KPNA1: variants seen among roughly 807,000 people sequenced by gnomAD.
The protein encoded by KPNA1 is karyopherin subunit alpha 1.
Under a neutral mutation model 70.5 loss-of-function variants are expected in KPNA1, and 10 were observed. The ratio of observed to expected loss-of-function variants is 0.14; its 90% CI spans 0.09 to 0.24. KPNA1 has a LOEUF of 0.24. KPNA1 is among the 10% of genes least tolerant of loss of function. KPNA1 has a pLI of 1.00. For missense variants in KPNA1, 397 were observed against 637.9 expected, an observed-to-expected ratio of 0.62 and a Z score of 4.07; for synonymous variants, 192 against 221.9, an observed-to-expected ratio of 0.87 and a Z score of 1.20.
At chr3:122,484,968 C>T (rs1314489043) in intron 2 of KPNA1, among the ~76,000 whole-genome samples, 2 of 152,120 alleles carry the variant, frequency 1.3e-5, no homozygotes, top group African/African-American at 2.4e-5. Context: ...CACAATCATA[C>T]CTCATTGCTG....
intron 5 of KPNA1, among the ~76,000 whole-genome samples, chr3:122,457,316 T>C (rs1414934283): frequency 1.3e-5 from 2 of 151,934 alleles, no homozygotes; most frequent in African/African-American, 2.4e-5. Flanking sequence ...CAAACACATA[T>C]GCATAAAGTT....
At chr3:122,476,104 G>C (rs545455523) in intron 2 of KPNA1, among the ~76,000 whole-genome samples, 1 of 152,234 alleles carries the variant, frequency 6.6e-6, no homozygotes, top group South Asian at 2.1e-4. Context: ...TAAAGCAATG[G>C]AATAGAATAA....
chr3:122,427,528 A>G lies in KPNA1; in HGVS notation c.1429+10T>C. The G allele has an allele frequency of 1.2e-6, 2 of 1,606,912 alleles. No homozygotes were observed. The highest frequency in any genetic ancestry group is 1.7e-6 in the Non-Finnish European group (2 of 1,176,586). ...CTTGGCCATAAACTTCTTCAACCAA[A>G]GCATCTTACCATAAGCTTCTTCAAT... is the stretch of plus-strand genomic sequence containing the variant. On this transcript the variant is annotated intron_variant, in intron 13 of 13. Coordinates refer to ENST00000344337, the MANE Select transcript of KPNA1 (RefSeq NM_002264.4).
chr3:122,431,979 C>CT (rs2075916601), intron 12 of KPNA1, among the ~76,000 whole-genome samples: 2 of 151,998 alleles, frequency 1.3e-5, no homozygotes, highest in East Asian at 3.9e-4. Flanking sequence ...AATTTTTGTA[C>CT]TTTTAGTAGA....
chr3:122,451,922 T>C (rs773558633), intron 7 of KPNA1, 54 bp downstream of exon 7: 1 of 1,104,242 alleles, frequency 9.1e-7, no homozygotes, highest in Non-Finnish European at 1.3e-6. Flanking sequence ...GAGGAATCTC[T>C]TACATTTTTA....
At chr3:122,464,998 A>C (rs913029312) in intron 3 of KPNA1, among the ~76,000 whole-genome samples, 15 of 152,236 alleles carry the variant, frequency 9.9e-5, no homozygotes, top group Admixed American at 7.9e-4. Flanking sequence ...TTTGTTATGA[A>C]TATGTTTGCA....
intron 6 of KPNA1, among the ~76,000 whole-genome samples, chr3:122,452,411 A>C (rs560174711): frequency 1.2e-3 from 174 of 151,060 alleles, no homozygotes; most frequent in Non-Finnish European, 2.2e-3. Flanking sequence ...TGAGAGGCTG[A>C]GGCATGAGAA....
At chr3:122,504,831 C>T (rs2076872295) in intron 1 of KPNA1, among the ~76,000 whole-genome samples, 1 of 151,982 alleles carries the variant, frequency 6.6e-6, no homozygotes. Flanking sequence ...ACATAAATAT[C>T]TCATCAGTAT....
Position 122,480,540 on chromosome 3 carries a change from A to C in KPNA1, c.130-13111T>G, listed in dbSNP as rs547129950. ...ATTCATCATAACAGACCAGTCCTAT[A>C]AGAAAATGTTAAAGGATGTTCCTTA... On this transcript the variant is annotated intron_variant, in intron 2 of 13. Transcript: ENST00000344337. Among the ~76,000 whole-genome samples the C allele has an allele frequency of 5.3e-5, 8 of 152,298 alleles. No individual in the cohort carries two copies. In the South Asian group the frequency reaches 1.4e-3, roughly 28 times the overall value.
intron 11 of KPNA1, among the ~76,000 whole-genome samples, chr3:122,436,483 C>G (rs923569783): frequency 6.6e-6 from 1 of 152,194 alleles, no homozygotes; most frequent in African/African-American, 2.4e-5. Context: ...TGTGATGTCT[C>G]CCCCAGACAG....
At position 122,451,966 on chromosome 3, in the gene KPNA1, AG is replaced by A; in HGVS notation, c.653+9del. 1 of 1,519,340 alleles carries A rather than the reference AG, an allele frequency of 6.6e-7. No homozygotes were observed. The highest frequency in any genetic ancestry group is 9.0e-7 in the Non-Finnish European group (1 of 1,110,624). 94.1% of individuals were successfully genotyped at this position (1,519,340 alleles called of 1,614,324 possible). A position where few individuals can be genotyped will look rare whatever the true frequency, so the allele number is the denominator to read the frequency against. On this transcript the variant is annotated intron_variant, in intron 7 of 13. Coordinates refer to ENST00000344337, the MANE Select transcript of KPNA1 (RefSeq NM_002264.4). ...AAGAAAAAAAAAGGAAGAAGGAAGA[AG>A]AAACTTACTGCAAAAGAGGGGGAAG...
chr3:122,428,314 T>C (rs1029045102), intron 12 of KPNA1, among the ~76,000 whole-genome samples: 2 of 152,230 alleles, frequency 1.3e-5, no homozygotes, highest in African/African-American at 4.8e-5. Context: ...TCATTTTTTA[T>C]CATTCTGGTT....
At chr3:122,452,710 G>A (rs1217176087) in intron 6 of KPNA1, among the ~76,000 whole-genome samples, 1 of 112,078 alleles carries the variant, frequency 8.9e-6, no homozygotes, top group Non-Finnish European at 2.1e-5. Flanking sequence ...ACGGAGAGAC[G>A]GAGGGAAGGA....
intron 12 of KPNA1, among the ~76,000 whole-genome samples, chr3:122,431,184 G>C (rs148527106): frequency 1.3e-5 from 2 of 152,180 alleles, no homozygotes; most frequent in South Asian, 2.1e-4. Flanking sequence ...TTTTGAGACA[G>C]AGTCTCTCAC....
chr3:122,484,460 A>G (rs1352351319), intron 2 of KPNA1, among the ~76,000 whole-genome samples: 1 of 152,150 alleles, frequency 6.6e-6, no homozygotes, highest in East Asian at 1.9e-4. Context: ...CAGCCTGGCC[A>G]ATATGGTGAA....
intron 6 of KPNA1, 82 bp downstream of exon 6, chr3:122,453,788 C>T (rs2076238120): frequency 7.1e-7 from 1 of 1,401,806 alleles, no homozygotes; most frequent in African/African-American, 1.5e-5. Flanking sequence ...CCTTGGCCTC[C>T]CAAAATGTTG....
At position 122,452,709 on chromosome 3, in the gene KPNA1, C is replaced by CGGAGGGAA. The variant is rs140094237; in HGVS notation, c.565-653_565-646dup. Among the ~76,000 whole-genome samples, 15 of 80,546 alleles carry CGGAGGGAA rather than the reference C, an allele frequency of 1.9e-4. 1 individual carries two copies. Among genetic ancestry groups the CGGAGGGAA allele is most frequent in the African/African-American group, 3.3e-4 (6 of 17,992 alleles). The allele number at this position is 80,546 out of a possible 152,430, so 52.8% of individuals were successfully genotyped here. ...AGGGAGGGAGGGAGAGACGGAGAGA[C>CGGAGGGAA]GGAGGGAAGGAGGGAAGGAGAGACG... On this transcript the variant is annotated intron_variant, in intron 6 of 13. Transcript: ENST00000344337.
chr3:122,496,718 T>C, intron 1 of KPNA1, 148 bp from the exon 2 acceptor site: 1 of 646,418 alleles, frequency 1.5e-6, no homozygotes, highest in Non-Finnish European at 2.6e-6. Flanking sequence ...TCCTGTCTTT[T>C]TTGAGACAAG....
intron 1 of KPNA1, among the ~76,000 whole-genome samples, chr3:122,511,494 T>C (rs2076954670): frequency 6.6e-6 from 1 of 152,142 alleles, no homozygotes; most frequent in South Asian, 2.1e-4. Context: ...TGTAGGTTTG[T>C]AACATCTTTA....
Sources: gnomAD v4.1 joint callset for allele counts (sites outside exome capture counted in the v4.1 genomes callset) on GRCh38, gnomAD v4.1.1 for gene constraint, MANE v1.5 for transcripts, NCBI Gene and HGNC (gene_info 2026-07-23, HGNC 2026-07-21) for gene names.